CFAP276: variants seen among roughly 807,000 people sequenced by gnomAD.
CFAP276 encodes the protein cilia- and flagella-associated protein 276.
chr1:109,108,115 C>G, the CFAP276 span: 1 of 988,640 alleles, frequency 1.0e-6, no homozygotes, highest in South Asian at 1.3e-5. Context: ...CAGTAGCATC[C>G]CCTTATTCCA....
the CFAP276 span, chr1:109,113,576 T>G: frequency 1.3e-6 from 2 of 1,571,636 alleles, no homozygotes; most frequent in Non-Finnish European, 1.8e-6. Context: ...AAAGCACGGA[T>G]GGATTTGGCG....
the CFAP276 span, chr1:109,108,027 T>C: frequency 6.2e-7 from 1 of 1,600,712 alleles, no homozygotes; most frequent in Admixed American, 1.7e-5. Context: ...TGGGTTCTTA[T>C]ATGGCAATTT....
the CFAP276 span, chr1:109,106,468 A>G: frequency 6.4e-7 from 1 of 1,564,518 alleles, no homozygotes. Context: ...TAAATCCCTG[A>G]TTCATGGGTC....
chr1:109,106,439 C>T, the CFAP276 span: 4 of 1,450,514 alleles, frequency 2.8e-6, no homozygotes, highest in South Asian at 1.3e-5. Context: ...CCTTCATCTT[C>T]CCTACTGTCC....
chr1:109,113,831 T>A, the CFAP276 span: 1 of 759,208 alleles, frequency 1.3e-6, no homozygotes, highest in Non-Finnish European at 2.0e-6. Context: ...GCCTGCCTGT[T>A]GGGCCGGTTG....
chr1:109,106,978 G>T, the CFAP276 span: 1 of 1,540,080 alleles, frequency 6.5e-7, no homozygotes, highest in Non-Finnish European at 9.0e-7. Flanking sequence ...GCATGTTTAG[G>T]CTGGAGAGGC....
chr1:109,113,699 G>A, the CFAP276 span: 1 of 1,613,706 alleles, frequency 6.2e-7, no homozygotes, highest in African/African-American at 1.3e-5. Flanking sequence ...CGGTTCACAC[G>A]CCACGTGTGC....
the CFAP276 span, among the ~76,000 whole-genome samples, chr1:109,108,739 T>C: frequency 2.0e-5 from 3 of 152,194 alleles, no homozygotes; most frequent in Non-Finnish European, 2.9e-5. Context: ...GAAGTCTTGG[T>C]TGTCCACATG....
At chr1:109,108,688 A>G in the CFAP276 span, among the ~76,000 whole-genome samples, 2,006 of 152,316 alleles carry the variant, frequency 0.013, 44 homozygotes, top group African/African-American at 0.045. Flanking sequence ...TGCAAATAAC[A>G]GGTAGAAAAT....
chr1:109,112,592 A>G, the CFAP276 span: 1 of 1,550,506 alleles, frequency 6.4e-7, no homozygotes, highest in Non-Finnish European at 8.7e-7. Flanking sequence ...GCAAGAAACC[A>G]CAGTACCTTG....
chr1:109,110,847 A>T, the CFAP276 span, among the ~76,000 whole-genome samples: 3 of 152,176 alleles, frequency 2.0e-5, no homozygotes, highest in Non-Finnish European at 2.9e-5. Flanking sequence ...TTTCTCCCCA[A>T]ACCTGCTTCC....
At chr1:109,108,653 T>G in the CFAP276 span, among the ~76,000 whole-genome samples, 3 of 152,074 alleles carry the variant, frequency 2.0e-5, no homozygotes, top group Non-Finnish European at 4.4e-5. Flanking sequence ...TGTACTGAGT[T>G]TGAAGAAAAG....
At chr1:109,111,087 C>T in the CFAP276 span, among the ~76,000 whole-genome samples, 2 of 152,176 alleles carry the variant, frequency 1.3e-5, no homozygotes, top group Non-Finnish European at 2.9e-5. Flanking sequence ...TAGCTGATCC[C>T]TCTTGTCTCA....
the CFAP276 span, chr1:109,106,707 G>A: frequency 6.3e-7 from 1 of 1,586,226 alleles, no homozygotes. Context: ...ATCAATCAGA[G>A]AAAGGTGAGG....
chr1:109,113,773 T>A, the CFAP276 span: 1 of 1,388,786 alleles, frequency 7.2e-7, no homozygotes, highest in Non-Finnish European at 1.0e-6. Flanking sequence ...GGAAATTTGT[T>A]GGCTGGCTTG....
At chr1:109,112,830 C>A in the CFAP276 span, 1 of 1,301,120 alleles carries the variant, frequency 7.7e-7, no homozygotes, top group Non-Finnish European at 1.0e-6. Context: ...GGAATTCCCT[C>A]AGAGGAGGGC....
the CFAP276 span, chr1:109,106,799 G>C: frequency 9.2e-7 from 1 of 1,087,600 alleles, no homozygotes; most frequent in Non-Finnish European, 1.3e-6. Flanking sequence ...CAAAGATTTT[G>C]TTTATACAGA....
the CFAP276 span, among the ~76,000 whole-genome samples, chr1:109,113,451 A>AGAGAGAGAGAGAGAGAGAGAGAGGGAGT: frequency 3.3e-5 from 4 of 120,460 alleles, no homozygotes; most frequent in Admixed American, 8.9e-5. Flanking sequence ...AGAGAGAGAG[A>AGAGAGAGAGAGAGAGAGAGAGAGGGAGT]GAGAGAGAGA....
the CFAP276 span, among the ~76,000 whole-genome samples, chr1:109,107,725 C>CAAAAAAAA: frequency 4.4e-4 from 63 of 143,550 alleles, 1 homozygote; most frequent in East Asian, 2.3e-3. Flanking sequence ...CTCATCTCTT[C>CAAAAAAAA]AAAAAAAAAA....
Sources: allele counts gnomAD v4.1 joint callset (sites outside exome capture counted in the v4.1 genomes callset), GRCh38; gene constraint gnomAD v4.1.1; transcripts MANE v1.5; gene names NCBI Gene and HGNC (gene_info 2026-07-23, HGNC 2026-07-21).